EFL1: variants seen among roughly 807,000 people sequenced by gnomAD.
The protein encoded by EFL1 is elongation factor like GTPase 1, also known as elongation factor-like GTPase 1.
EFL1 carries 76 observed loss-of-function variants against 126.7 expected under a neutral mutation model. The observed-to-expected ratio is 0.60, with a 90% CI of 0.50 to 0.73. The LOEUF (loss-of-function observed/expected upper bound fraction) is 0.73. Ranked by LOEUF, EFL1 falls within the 30% of genes least tolerant of loss-of-function variation. EFL1 has a pLI of 0.00. For missense variants in EFL1, 1,128 were observed against 1,343.2 expected, an observed-to-expected ratio of 0.84 and a Z score of 2.50; for synonymous variants, 410 against 448.4, an observed-to-expected ratio of 0.91 and a Z score of 1.08.
intron 15 of EFL1, among the ~76,000 whole-genome samples, chr15:82,182,914 C>A (rs72749557): frequency 0.19 from 29,466 of 152,040 alleles, 3,097 homozygotes; most frequent in South Asian, 0.39. Flanking sequence ...GTGAAGGCAC[C>A]AGCGTACGAA....
chr15:82,196,352 T>C (rs900201220), intron 15 of EFL1, among the ~76,000 whole-genome samples: 1 of 152,192 alleles, frequency 6.6e-6, no homozygotes. Flanking sequence ...TCTCAGATTA[T>C]TTATAGGAGA....
At chr15:82,204,067 G>A (rs2074499275) in intron 15 of EFL1, among the ~76,000 whole-genome samples, 1 of 152,060 alleles carries the variant, frequency 6.6e-6, no homozygotes, top group Admixed American at 6.6e-5. Flanking sequence ...ACAGAACACT[G>A]TCAGATTTTA....
At chr15:82,185,331 T>C (rs952323309) in intron 15 of EFL1, among the ~76,000 whole-genome samples, 3 of 152,034 alleles carry the variant, frequency 2.0e-5, no homozygotes, top group Middle Eastern at 6.8e-3. Context: ...TCTAGATGGA[T>C]TAAAAAGTGA....
intron 17 of EFL1, 72 bp downstream of exon 17, chr15:82,157,641 G>A: frequency 6.6e-6 from 10 of 1,512,886 alleles, no homozygotes; most frequent in Non-Finnish European, 8.9e-6. Context: ...AAGTTCAACT[G>A]GTTTAGGAAA....
intron 6 of EFL1, among the ~76,000 whole-genome samples, chr15:82,240,104 T>A (rs1412963200): frequency 6.6e-6 from 1 of 152,220 alleles, no homozygotes; most frequent in Non-Finnish European, 1.5e-5. Flanking sequence ...TGGGTAAAAT[T>A]TCCTGTAACG....
chr15:82,188,400 G>GT (rs1329690477), intron 15 of EFL1, among the ~76,000 whole-genome samples: 1 of 151,848 alleles, frequency 6.6e-6, no homozygotes, highest in African/African-American at 2.4e-5. Context: ...ACCAAATGAA[G>GT]TTTTCTTCAT....
intron 15 of EFL1, among the ~76,000 whole-genome samples, chr15:82,211,225 C>T (rs2074580708): frequency 6.6e-6 from 1 of 151,982 alleles, no homozygotes; most frequent in Non-Finnish European, 1.5e-5. Context: ...TCTTCTCACT[C>T]CTTAATATAC....
intron 3 of EFL1, 44 bp downstream of exon 3, chr15:82,259,044 G>C (rs2075090093): frequency 2.0e-6 from 3 of 1,530,562 alleles, no homozygotes; most frequent in Non-Finnish European, 2.7e-6. Flanking sequence ...ATTGTTGATA[G>C]CTAATACTGA....
intron 16 of EFL1, among the ~76,000 whole-genome samples, chr15:82,162,722 C>T (rs2074036303): frequency 2.0e-5 from 3 of 152,304 alleles, no homozygotes; most frequent in East Asian, 1.9e-4. Flanking sequence ...AGGTCCAGTC[C>T]TCCAAGTATC....
chr15:82,240,416 A>G lies in EFL1; in HGVS notation c.516+2T>C. ...TTTTTTAAATACTAAAAATTAAAAT[A>G]CCTGTTCTAAAATATTCTTGAGGTG... On this transcript the variant is annotated splice_donor_variant, in intron 6 of 19. Coordinates refer to ENST00000268206, the MANE Select transcript of EFL1 (RefSeq NM_024580.6). LOFTEE classifies it high-confidence loss of function. 6.4e-7 allele frequency: 1 copy of G among 1,572,692 alleles called. No individual in the cohort carries two copies. Among genetic ancestry groups the G allele is most frequent in the Non-Finnish European group, 8.6e-7 (1 of 1,158,944 alleles).
intron 4 of EFL1, among the ~76,000 whole-genome samples, chr15:82,252,042 T>C (rs958068669): frequency 1.3e-5 from 2 of 152,196 alleles, no homozygotes; most frequent in African/African-American, 4.8e-5. Context: ...ACTCTGCAAT[T>C]TGTTTTCTGT....
chr15:82,245,111 A>G (rs2074959861), intron 4 of EFL1, among the ~76,000 whole-genome samples: 1 of 152,074 alleles, frequency 6.6e-6, no homozygotes, highest in African/African-American at 2.4e-5. Context: ...CTATATATAA[A>G]GTAACCACAA....
intron 16 of EFL1, among the ~76,000 whole-genome samples, 187 bp downstream of exon 16, chr15:82,163,666 T>C (rs987104449): frequency 4.6e-5 from 7 of 152,218 alleles, no homozygotes; most frequent in Non-Finnish European, 8.8e-5. Flanking sequence ...ACAGCAAAGG[T>C]ACCTGTAACC....
At chr15:82,215,141 A>G (rs1393291272) in intron 14 of EFL1, among the ~76,000 whole-genome samples, 2 of 152,188 alleles carry the variant, frequency 1.3e-5, no homozygotes, top group African/African-American at 4.8e-5. Context: ...TTGTCACTTT[A>G]GCTGATCCTC....
At chr15:82,161,213 G>A (rs568204934) in intron 16 of EFL1, among the ~76,000 whole-genome samples, 6 of 152,178 alleles carry the variant, frequency 3.9e-5, no homozygotes, top group East Asian at 1.9e-4. Context: ...ATGGGGATAC[G>A]TGGTCTATTC....
chr15:82,146,216 C>T (rs1595940344), intron 18 of EFL1, among the ~76,000 whole-genome samples: 1 of 152,040 alleles, frequency 6.6e-6, no homozygotes, highest in East Asian at 1.9e-4. Flanking sequence ...TATAGGATTT[C>T]TTGTTTTAAT....
intron 15 of EFL1, among the ~76,000 whole-genome samples, chr15:82,208,773 T>C (rs1479440881): frequency 6.6e-6 from 1 of 151,866 alleles, no homozygotes; most frequent in Non-Finnish European, 1.5e-5. Context: ...TAAAATTCAA[T>C]ATCCATTCCC....
chr15:82,221,376 C>T (rs1338649172), intron 12 of EFL1, among the ~76,000 whole-genome samples: 1 of 152,166 alleles, frequency 6.6e-6, no homozygotes, highest in African/African-American at 2.4e-5. Flanking sequence ...TCCAAATGGC[C>T]ACAGACCCTT....
chr15:82,185,229 A>G (rs966756701), intron 15 of EFL1, among the ~76,000 whole-genome samples: 1 of 150,908 alleles, frequency 6.6e-6, no homozygotes, highest in Non-Finnish European at 1.5e-5. Context: ...TCCTCAATTC[A>G]CGGAGTGAAA....
Sources: gnomAD v4.1 joint callset for allele counts (sites outside exome capture counted in the v4.1 genomes callset) on GRCh38, gnomAD v4.1.1 for gene constraint, MANE v1.5 for transcripts, NCBI Gene and HGNC (gene_info 2026-07-23, HGNC 2026-07-21) for gene names.